The following SLC35G5 variants were observed in gnomAD, a reference collection of about 807,000 sequenced individuals.
SLC35G5 encodes acyl-malonyl condensing enzyme 1-like 2.
In SLC35G5, 14 loss-of-function variants were observed where a neutral mutation model predicts 17.6. The observed-to-expected ratio is 0.79, with a 90% CI of 0.52 to 1.24. SLC35G5 has a LOEUF of 1.24. SLC35G5 is among the 50% of genes most tolerant of loss of function. SLC35G5 has a pLI of 0.00. For missense variants in SLC35G5, 541 were observed against 430.3 expected (o/e 1.26, Z -2.28); for synonymous variants, 236 against 194.9 (o/e 1.21, Z -1.76).
In SLC35G5 at chr8:11,331,656, A is replaced by T; in HGVS notation, c.550A>T (p.Thr184Ser). Residue 184 changes from threonine to serine, a missense_variant, in exon 1 of 1, where the codon ACC becomes TCC. Physicochemically the swap from Thr to Ser is moderately conservative, Grantham distance 58. Coordinates refer to ENST00000382435, the MANE Select transcript of SLC35G5 (RefSeq NM_054028.2). The stretch of plus-strand genomic sequence containing the variant: ...TGGACTCTGGACACTACAGGAGGGG[A>T]CCACAGGTGTCTACACCACCCTGGG... ...GPGLWTLQEG[T>S]TGVYTTLGYV... 5 of 1,612,100 alleles carry T rather than the reference A, an allele frequency of 3.1e-6. No homozygotes were observed. Among genetic ancestry groups the T allele is most frequent in the Non-Finnish European group, 4.2e-6 (5 of 1,179,824 alleles).
chr8:11,331,036 G>T lies in SLC35G5; in HGVS notation c.-71G>T. 6.5e-7 allele frequency: 1 copy of T among 1,531,178 alleles called. No homozygotes were observed. The highest frequency in any genetic ancestry group is 8.7e-7 in the Non-Finnish European group (1 of 1,144,896). The allele number at this position is 1,531,178 out of a possible 1,614,324, so 94.8% of individuals were successfully genotyped here. On this transcript the variant is annotated 5_prime_UTR_variant, in exon 1 of 1. Coordinates refer to ENST00000382435, the MANE Select transcript of SLC35G5 (RefSeq NM_054028.2). ...AGAACCCCACCCGCACTCCAATGAG[G>T]TCACAATGGCTGGAGCTCTGAGGGG...
chr8:11,332,252 C>T lies in SLC35G5; in HGVS notation c.*129C>T. 7.3e-7 allele frequency: 1 copy of T among 1,378,732 alleles called. No homozygotes were observed. Among genetic ancestry groups the T allele is most frequent in the Non-Finnish European group, 9.7e-7 (1 of 1,030,794 alleles). 85.4% of individuals were successfully genotyped at this position (1,378,732 alleles called of 1,614,324 possible). On this transcript the variant is annotated 3_prime_UTR_variant, in exon 1 of 1. Coordinates refer to ENST00000382435, the MANE Select transcript of SLC35G5 (RefSeq NM_054028.2). ...TAGGAAAGAGTGAAAGTCTAACTTC[C>T]ATAGCACATTATAATATTGAGATGT...
Position 11,331,533 on chromosome 8 carries a change from G to T in SLC35G5, c.427G>T (p.Ala143Ser), listed in dbSNP as rs142654795. 19 of 1,613,784 alleles carry T rather than the reference G, an allele frequency of 1.2e-5. No individual in the cohort carries two copies. The highest frequency in any genetic ancestry group is 4.4e-5 in the South Asian group (4 of 91,058). ...CAAAGGTTCTTCCACCGTATGCTCC[G>T]CTGTCCTCACCCTCTGCCTTGAGAG... ...VRKGSSTVCS[A>S]VLTLCLESQG... Residue 143 changes from alanine (A) to serine (S), a missense_variant, in exon 1 of 1, where the codon GCT becomes TCT. Physicochemically the swap from Ala to Ser is moderately conservative, Grantham distance 99 (BLOSUM62 1). Transcript: ENST00000382435.
Position 11,331,751 on chromosome 8 carries a change from T to G in SLC35G5, c.645T>G (p.Phe215Leu). 6.2e-7 allele frequency: 1 copy of G among 1,611,808 alleles called. No individual in the cohort carries two copies. The highest frequency in any genetic ancestry group is 1.7e-5 in the Admixed American group (1 of 59,998). The change falls in exon 1 of 1, where the codon TTT (phenylalanine) becomes TTG (leucine). Residue 215 changes from phenylalanine to leucine, a missense_variant. Physicochemically the swap from Phe to Leu is conservative, Grantham distance 22. Coordinates refer to ENST00000382435, the MANE Select transcript of SLC35G5 (RefSeq NM_054028.2). ...LGLLVYRSLHFPSCLPTVAFL... is the reference protein window; with the variant it reads ...LGLLVYRSLHLPSCLPTVAFL... ...TTCTGGTCTATCGTTCTCTGCACTT[T>G]CCCTCCTGCCTCCCAACAGTGGCCT...
Position 11,331,085 on chromosome 8 carries a change from A to G in SLC35G5, c.-22A>G. ...GGCCCAGGCTCCCTGAGCCAGGAGG[A>G]GAGGAGAAAGTCCAAGGAAAGATGG... On this transcript the variant is annotated 5_prime_UTR_variant, in exon 1 of 1. Transcript: ENST00000382435. 6.3e-7 allele frequency: 1 copy of G among 1,575,096 alleles called. No individual in the cohort carries two copies. Among genetic ancestry groups the G allele is most frequent in the South Asian group, 1.2e-5 (1 of 83,092 alleles).
Position 11,331,123 on chromosome 8 carries a change from C to T in SLC35G5, c.17C>T (p.Pro6Leu). The change falls in exon 1 of 1, where the codon CCC (proline) becomes CTC (leucine). Residue 6 changes from proline to leucine, a missense_variant. Pro to Leu is a moderately conservative substitution (Grantham distance 98). Coordinates refer to ENST00000382435, the MANE Select transcript of SLC35G5 (RefSeq NM_054028.2). Reference sequence around the variant, plus strand: ...CAAGGAAAGATGGCTGGCAGTCACCCCTACTTCAACCTGCCTGACTCCACA... The same window carrying T: ...CAAGGAAAGATGGCTGGCAGTCACCTCTACTTCAACCTGCCTGACTCCACA... MAGSH[P>L]YFNLPDSTHP... 1.9e-6 allele frequency: 3 copies of T among 1,601,894 alleles called. No homozygotes were observed. The highest frequency in any genetic ancestry group is 2.6e-6 in the Non-Finnish European group (3 of 1,173,966).
chr8:11,331,166 C>T lies in SLC35G5; in HGVS notation c.60C>T (p.Ser20=), dbSNP rs374029388. 3.2e-5 allele frequency: 51 copies of T among 1,612,792 alleles called. No homozygotes were observed. Among genetic ancestry groups the T allele is most frequent in the Middle Eastern group, 1.7e-4 (1 of 6,046 alleles). The change falls in exon 1 of 1, where the codon TCC becomes TCT. Residue 20 remains serine (S), a synonymous_variant. Coordinates refer to ENST00000382435, the MANE Select transcript of SLC35G5 (RefSeq NM_054028.2). ...ACTCCACACACCCATCGCCGCCCTC[C>T]GCTCCACCCAGCCTCCGCTGGCACC... The part of the protein sequence containing the change: ...LPDSTHPSPP[S]APPSLRWHQR...
rs1301363709 is a variant in SLC35G5, at chr8:11,331,136, G to A, written c.30G>A (p.Leu10=). The change falls in exon 1 of 1, where the codon CTG becomes CTA. Residue 10 remains leucine (L), a synonymous_variant. Transcript: ENST00000382435. MAGSHPYFN[L]PDSTHPSPPS... ...CTGGCAGTCACCCCTACTTCAACCT[G>A]CCTGACTCCACACACCCATCGCCGC... 2.5e-6 allele frequency: 4 copies of A among 1,606,818 alleles called. No homozygotes were observed. Among genetic ancestry groups the A allele is most frequent in the Non-Finnish European group, 1.7e-6 (2 of 1,176,198 alleles).
In SLC35G5 at chr8:11,331,157, G is replaced by A. The variant is rs139356109; in HGVS notation, c.51G>A (p.Ser17=). Residue 17 remains serine (S), a synonymous_variant, in exon 1 of 1, where the codon TCG becomes TCA. Transcript: ENST00000382435. ...YFNLPDSTHP[S]PPSAPPSLRW... Reference sequence around the variant, plus strand: ...ACCTGCCTGACTCCACACACCCATCGCCGCCCTCCGCTCCACCCAGCCTCC... The same window carrying A: ...ACCTGCCTGACTCCACACACCCATCACCGCCCTCCGCTCCACCCAGCCTCC... 471 of 1,611,802 alleles carry A rather than the reference G, an allele frequency of 2.9e-4. No individual in the cohort carries two copies. The highest frequency in any genetic ancestry group is 5.2e-4 in the African/African-American group (39 of 74,932).
chr8:11,331,194 C>T lies in SLC35G5; in HGVS notation c.88C>T (p.Arg30Cys), dbSNP rs4841520. The change falls in exon 1 of 1, where the codon CGC becomes TGC. Residue 30 changes from arginine to cysteine, a missense_variant. By Grantham distance (180) the Arg-to-Cys change is radical. Transcript: ENST00000382435. The stretch of plus-strand genomic sequence containing the variant: ...TCCACCCAGCCTCCGCTGGCACCAG[C>T]GCTGCCAGCCCTCTGGTGCCACCAA... The part of the protein sequence containing the change: ...SAPPSLRWHQ[R>C]CQPSGATNGL... 86,273 of 1,613,736 alleles carry T rather than the reference C, an allele frequency of 0.053. 5,142 individuals are homozygous for T. The highest frequency in any genetic ancestry group is 0.29 in the Admixed American group (17,213 of 59,972).
At position 11,331,180 on chromosome 8, in the gene SLC35G5, T is replaced by G; in HGVS notation, c.74T>G (p.Leu25Arg). 1.4e-5 allele frequency: 23 copies of G among 1,613,548 alleles called. No individual in the cohort carries two copies. Among genetic ancestry groups the G allele is most frequent in the Non-Finnish European group, 1.8e-5 (21 of 1,179,738 alleles). ...TCGCCGCCCTCCGCTCCACCCAGCCTCCGCTGGCACCAGCGCTGCCAGCCC... is the reference window on the plus strand; with the variant it reads ...TCGCCGCCCTCCGCTCCACCCAGCCGCCGCTGGCACCAGCGCTGCCAGCCC... ...HPSPPSAPPS[L>R]RWHQRCQPSG... Residue 25 changes from leucine (L) to arginine (R), a missense_variant, in exon 1 of 1, where the codon CTC (leucine) becomes CGC (arginine). Physicochemically the swap from Leu to Arg is moderately radical, Grantham distance 102 (BLOSUM62 -2). Transcript: ENST00000382435.
chr8:11,331,520 C>A lies in SLC35G5; in HGVS notation c.414C>A (p.Ser138=). 1.9e-6 allele frequency: 3 copies of A among 1,613,908 alleles called. No homozygotes were observed. The South Asian group carries it at 3.3e-5, about 18-fold the overall frequency. Residue 138 remains serine, a synonymous_variant, in exon 1 of 1, where the codon TCC becomes TCA. Transcript: ENST00000382435. The part of the protein sequence containing the change: ...GNAATVRKGS[S]TVCSAVLTLC... ...CTGCCACTGTTCGCAAAGGTTCTTCCACCGTATGCTCCGCTGTCCTCACCC... is the reference window on the plus strand; with the variant it reads ...CTGCCACTGTTCGCAAAGGTTCTTCAACCGTATGCTCCGCTGTCCTCACCC...
Position 11,331,805 on chromosome 8 carries a change from C to G in SLC35G5, c.699C>G (p.Gly233=). The G allele has an allele frequency of 6.2e-7, 1 of 1,611,736 alleles. No individual in the cohort carries two copies. Among genetic ancestry groups the G allele is most frequent in the Middle Eastern group, 2.3e-4 (1 of 4,430 alleles). ...AFLSGLVGLL[G]CVPGLFVLQT... ...TATCTGGCTTGGTGGGGCTGCTGGG[C>G]TGTGTGCCAGGCCTCTTTGTGCTGC... Residue 233 remains glycine (G), a synonymous_variant, in exon 1 of 1, where the codon GGC becomes GGG. Transcript: ENST00000382435.
Position 11,331,418 on chromosome 8 carries a change from C to T in SLC35G5, c.312C>T (p.Ala104=), listed in dbSNP as rs1223321476. ...LLGPPDIRGW[A]CFCALLNVLS... ...GACCTCCTGACATCCGAGGCTGGGC[C>T]TGCTTCTGTGCCCTGCTCAACGTCC... Residue 104 remains alanine, a synonymous_variant, in exon 1 of 1, where the codon GCC becomes GCT. Coordinates refer to ENST00000382435, the MANE Select transcript of SLC35G5 (RefSeq NM_054028.2). The T allele has an allele frequency of 1.9e-6, 3 of 1,613,970 alleles. No individual in the cohort carries two copies. The highest frequency in any genetic ancestry group is 2.5e-6 in the Non-Finnish European group (3 of 1,179,812).
rs748473991 is a variant in SLC35G5 at position 11,331,422 on chromosome 8, T to C, written c.316T>C (p.Phe106Leu). ...TCCTGACATCCGAGGCTGGGCCTGC[T>C]TCTGTGCCCTGCTCAACGTCCTCAG... is the stretch of plus-strand genomic sequence containing the variant. ...GPPDIRGWACFCALLNVLSIG... is the reference protein window; with the variant it reads ...GPPDIRGWACLCALLNVLSIG... The change falls in exon 1 of 1, where the codon TTC (phenylalanine) becomes CTC (leucine). Residue 106 changes from phenylalanine to leucine, a missense_variant. Phe to Leu is a conservative substitution (Grantham distance 22). Transcript: ENST00000382435. The C allele has an allele frequency of 6.2e-7, 1 of 1,613,850 alleles. No homozygotes were observed.
Position 11,331,402 on chromosome 8 carries a change from A to C in SLC35G5, c.296A>C (p.Asp99Ala), listed in dbSNP as rs762619551. Residue 99 changes from aspartate to alanine, a missense_variant, in exon 1 of 1, where the codon GAC becomes GCC. By Grantham distance (126) the Asp-to-Ala change is moderately radical. Coordinates refer to ENST00000382435, the MANE Select transcript of SLC35G5 (RefSeq NM_054028.2). Reference protein sequence around the residue: ...LRGDPLLGPPDIRGWACFCAL... With the variant: ...LRGDPLLGPPAIRGWACFCAL... ...GGCGACCCCCTTCTGGGACCTCCTG[A>C]CATCCGAGGCTGGGCCTGCTTCTGT... 9 of 1,613,744 alleles carry C rather than the reference A, an allele frequency of 5.6e-6. No individual in the cohort carries two copies. In the South Asian group the frequency reaches 8.8e-5, roughly 16 times the overall value.
At position 11,332,184 on chromosome 8, in the gene SLC35G5, G is replaced by GA; in HGVS notation, c.*62dup. 2 of 1,508,698 alleles carry GA rather than the reference G, an allele frequency of 1.3e-6. No individual in the cohort carries two copies. Among genetic ancestry groups the GA allele is most frequent in the Non-Finnish European group, 1.8e-6 (2 of 1,135,766 alleles). The allele number at this position is 1,508,698 out of a possible 1,614,324, so 93.5% of individuals were successfully genotyped here. On this transcript the variant is annotated 3_prime_UTR_variant, in exon 1 of 1. Transcript: ENST00000382435. ...GGGATAAATAAAGACAAAGACTGAA[G>GA]ACAAAAAAAAAATAAAAGAAAAAAA...
Position 11,331,939 on chromosome 8 carries a change from A to T in SLC35G5, c.833A>T (p.His278Leu), listed in dbSNP as rs1157592058. 1.2e-6 allele frequency: 2 copies of T among 1,611,582 alleles called. No individual in the cohort carries two copies. Among genetic ancestry groups the T allele is most frequent in the African/African-American group, 1.3e-5 (1 of 74,756 alleles). ...TCVGYAVTKA[H>L]PALVCAVLHS... is the part of the protein sequence containing the mutation. ...GTGGGCTATGCGGTCACCAAGGCCC[A>T]CCCTGCCCTGGTGTGCGCTGTCCTG... is the stretch of plus-strand genomic sequence containing the variant. The change falls in exon 1 of 1, where the codon CAC becomes CTC. Residue 278 changes from histidine (H) to leucine (L), a missense_variant. By Grantham distance (99) the His-to-Leu change is moderately conservative (BLOSUM62 -3). Coordinates refer to ENST00000382435, the MANE Select transcript of SLC35G5 (RefSeq NM_054028.2).
In SLC35G5 at chr8:11,331,285, T is replaced by C. The variant is rs886757812; in HGVS notation, c.179T>C (p.Met60Thr). 4 of 1,613,886 alleles carry C rather than the reference T, an allele frequency of 2.5e-6. No homozygotes were observed. The highest frequency in any genetic ancestry group is 3.4e-6 in the Non-Finnish European group (4 of 1,179,894). The change falls in exon 1 of 1, where the codon ATG becomes ACG. Residue 60 changes from methionine to threonine, a missense_variant. Transcript: ENST00000382435. ...PAGFVGPLSR[M>T]AYQGSNLPSL... Reference sequence around the variant, plus strand: ...GGCTTCGTGGGCCCCCTTTCTCGTATGGCTTACCAGGGTTCCAACCTGCCC... The same window carrying C: ...GGCTTCGTGGGCCCCCTTTCTCGTACGGCTTACCAGGGTTCCAACCTGCCC...
Sources: allele counts gnomAD v4.1 joint callset, GRCh38; gene constraint gnomAD v4.1.1; transcripts MANE v1.5; gene names NCBI Gene and HGNC (gene_info 2026-07-23, HGNC 2026-07-21).